The following PTPRH variants were observed in gnomAD, a reference collection of about 807,000 sequenced individuals.
PTPRH encodes protein tyrosine phosphatase receptor type H, also known as receptor-type tyrosine-protein phosphatase H.
Under a neutral mutation model 130.2 loss-of-function variants are expected in PTPRH, and 113 were observed. That is an observed-to-expected ratio of 0.87 (90% confidence interval 0.75 to 1.01). PTPRH has a LOEUF of 1.01. Ranked by LOEUF, PTPRH falls within the 50% of genes least tolerant of loss-of-function variation. PTPRH has a pLI of 0.00. For missense variants in PTPRH, 1,430 were observed against 1,425.0 expected, an observed-to-expected ratio of 1.00 and a Z score of -0.06; for synonymous variants, 556 against 577.9, an observed-to-expected ratio of 0.96 and a Z score of 0.54.
At chr19:55,182,263 C>A in intron 18 of PTPRH, 112 bp from the exon 19 acceptor site, 1 of 1,269,680 alleles carries the variant, frequency 7.9e-7, no homozygotes, top group Non-Finnish European at 1.1e-6. Flanking sequence ...TGCCTGCTCA[C>A]ACCTGTAATC....
chr19:55,191,695 G>A lies in PTPRH; in HGVS notation c.2304C>T (p.Leu768=), dbSNP rs1437923251. The A allele has an allele frequency of 9.9e-6, 16 of 1,613,964 alleles. No individual in the cohort carries two copies. The highest frequency in any genetic ancestry group is 1.7e-5 in the Admixed American group (1 of 59,996). The part of the protein sequence containing the change: ...AFVGILLFLI[L]VGLLIFFLKR... ...TCAGGAAGAAAATCAGCAGGCCCAC[G>A]AGGATGAGAAACAGGAGGATGCCCA... The change falls in exon 11 of 20, where the codon CTC becomes CTT. Residue 768 remains leucine (L), a synonymous_variant. Transcript: ENST00000376350.
chr19:55,190,480 T>C (rs1183124847), intron 12 of PTPRH, among the ~76,000 whole-genome samples: 1 of 135,118 alleles, frequency 7.4e-6, no homozygotes, highest in Non-Finnish European at 1.5e-5. Flanking sequence ...TTATATATTA[T>C]ATATTATATA....
Position 55,196,646 on chromosome 19 carries a change from T to C in PTPRH, c.2133A>G (p.Ser711=). The change falls in exon 10 of 20, where the codon TCA becomes TCG. Residue 711 remains serine, a synonymous_variant. Coordinates refer to ENST00000376350, the MANE Select transcript of PTPRH (RefSeq NM_002842.5). The part of the protein sequence containing the change: ...GGQRGSQDRS[S]CGEAVSVLGL... ...CCAACACAGACACAGCCTCCCCACATGAAGATCTGTCCTGGGAGCCCCGCT... is the reference window on the plus strand; with the variant it reads ...CCAACACAGACACAGCCTCCCCACACGAAGATCTGTCCTGGGAGCCCCGCT... 6.2e-7 allele frequency: 1 copy of C among 1,613,830 alleles called. No individual in the cohort carries two copies.
intron 12 of PTPRH, among the ~76,000 whole-genome samples, chr19:55,190,883 C>A (rs1016435593): frequency 3.4e-4 from 51 of 151,866 alleles, no homozygotes; most frequent in Non-Finnish European, 5.9e-5. Context: ...GATCTGTCAC[C>A]CAGGCTGCAG....
intron 5 of PTPRH, among the ~76,000 whole-genome samples, chr19:55,203,395 C>A (rs1212004326): frequency 2.0e-5 from 2 of 98,442 alleles, no homozygotes; most frequent in Admixed American, 1.1e-4. Flanking sequence ...TAGTTTCTTT[C>A]TTTCCTTCCT....
chr19:55,188,265 C>A (rs2086424796), intron 12 of PTPRH, 97 bp from the exon 13 acceptor site: 1 of 1,000,036 alleles, frequency 1.0e-6, no homozygotes, highest in African/African-American at 1.6e-5. Context: ...GTAATCCCAG[C>A]ACTTTGGGAG....
intron 3 of PTPRH, 21 bp downstream of exon 3, chr19:55,206,668 A>C: frequency 6.4e-7 from 1 of 1,558,066 alleles, no homozygotes; most frequent in Non-Finnish European, 8.7e-7. Flanking sequence ...AAATAAAAAT[A>C]AAGCAGTGGC....
chr19:55,196,598 G>A lies in PTPRH; in HGVS notation c.2181C>T (p.Tyr727=). 6.2e-7 allele frequency: 1 copy of A among 1,613,810 alleles called. No homozygotes were observed. The highest frequency in any genetic ancestry group is 1.1e-5 in the South Asian group (1 of 91,046). The stretch of plus-strand genomic sequence containing the variant: ...CCCAGATGGTCGTGATGGTGGCTGG[G>A]TAGGACCGAGCCGGCCCGAGACCCA... ...SVLGLGPARS[Y]PATITTIWDG... The change falls in exon 10 of 20, where the codon TAC becomes TAT. Residue 727 remains tyrosine, a synonymous_variant. Coordinates refer to ENST00000376350, the MANE Select transcript of PTPRH (RefSeq NM_002842.5).
intron 18 of PTPRH, among the ~76,000 whole-genome samples, chr19:55,184,829 A>G (rs1164250664): frequency 6.6e-6 from 1 of 151,620 alleles, no homozygotes; most frequent in Admixed American, 6.6e-5. Flanking sequence ...AAAATAAATA[A>G]AATAAAATAA....
intron 6 of PTPRH, among the ~76,000 whole-genome samples, chr19:55,201,268 T>G (rs1473846118): frequency 6.6e-6 from 1 of 152,134 alleles, no homozygotes; most frequent in African/African-American, 2.4e-5. Context: ...TCCCTGCTAC[T>G]TGGGAGGCTG....
At chr19:55,199,881 A>G (rs1209962486) in intron 7 of PTPRH, among the ~76,000 whole-genome samples, 1 of 151,330 alleles carries the variant, frequency 6.6e-6, no homozygotes, top group Non-Finnish European at 1.5e-5. Context: ...GGAAGGAAAG[A>G]GAAGGAAAGA....
At chr19:55,189,466 C>T (rs1183902106) in intron 12 of PTPRH, among the ~76,000 whole-genome samples, 1 of 152,218 alleles carries the variant, frequency 6.6e-6, no homozygotes, top group African/African-American at 2.4e-5. Context: ...TCTGACCTCA[C>T]TTCCCACTGC....
rs897304585 is a variant in PTPRH, at chr19:55,190,624, T to TTA, written c.2384+875_2384+876dup. On this transcript the variant is annotated intron_variant, in intron 12 of 19. Coordinates refer to ENST00000376350, the MANE Select transcript of PTPRH (RefSeq NM_002842.5). The stretch of plus-strand genomic sequence containing the variant: ...TATTATATATTATATATATTATAAA[T>TTA]TATATATATATATAATTTTTTTTTG... Among the ~76,000 whole-genome samples, 22 of 138,628 alleles carry TTA rather than the reference T, an allele frequency of 1.6e-4. 1 individual carries two copies. The highest frequency in any genetic ancestry group is 1.0e-3 in the East Asian group (5 of 5,010). 90.9% of individuals were successfully genotyped at this position (138,628 alleles called of 152,430 possible). A position where few individuals can be genotyped will look rare whatever the true frequency, so the allele number is the denominator to read the frequency against.
At chr19:55,191,398 T>A (rs962810031) in intron 12 of PTPRH, 103 bp downstream of exon 12, 3 of 1,351,818 alleles carry the variant, frequency 2.2e-6, no homozygotes, top group Non-Finnish European at 3.2e-6. Context: ...GAGACCTTTG[T>A]GGGTAAATGC....
At chr19:55,198,224 A>G (rs16986304) in intron 8 of PTPRH, among the ~76,000 whole-genome samples, 3,731 of 152,166 alleles carry the variant, frequency 0.025, 140 homozygotes, top group African/African-American at 0.083. Flanking sequence ...ACACACACAA[A>G]AAAGAATGAA....
chr19:55,194,346 T>C, intron 10 of PTPRH: 1 of 1,243,494 alleles, frequency 8.0e-7, no homozygotes, highest in Non-Finnish European at 1.0e-6. Flanking sequence ...TCTTACAACC[T>C]GTACGGGAGA....
chr19:55,187,127 C>T (rs1246216700), intron 14 of PTPRH, among the ~76,000 whole-genome samples: 2 of 150,970 alleles, frequency 1.3e-5, no homozygotes, highest in East Asian at 2.0e-4. Context: ...GGGCAGATCA[C>T]AAGGTCAGGA....
rs1257933571 is a variant in PTPRH, at chr19:55,191,921, C to T, written c.2258-180G>A. 3 of 690,754 alleles carry T rather than the reference C, an allele frequency of 4.3e-6. No individual in the cohort carries two copies. The South Asian group carries it at 4.5e-5, about 10-fold the overall frequency. The allele number at this position is 690,754 out of a possible 1,614,324, so 42.8% of individuals were successfully genotyped here. A position where few individuals can be genotyped will look rare whatever the true frequency, so the allele number is the denominator to read the frequency against. ...ACTTACGCGCTTACCCATGGATTTT[C>T]CTCCACCCCTGAGACAGCAAGACCA... On this transcript the variant is annotated intron_variant, in intron 10 of 19. Coordinates refer to ENST00000376350, the MANE Select transcript of PTPRH (RefSeq NM_002842.5).
At chr19:55,193,253 C>A (rs967998712) in intron 10 of PTPRH, among the ~76,000 whole-genome samples, 5 of 149,200 alleles carry the variant, frequency 3.4e-5, no homozygotes, top group Non-Finnish European at 5.9e-5. Context: ...AAAAAGAAAG[C>A]AAAACAAAAC....
Sources: allele counts gnomAD v4.1 joint callset (sites outside exome capture counted in the v4.1 genomes callset), GRCh38; gene constraint gnomAD v4.1.1; transcripts MANE v1.5; gene names NCBI Gene and HGNC (gene_info 2026-07-23, HGNC 2026-07-21).